Variants in MOK observed in about 807,000 individuals in gnomAD.
MOK encodes MOK protein kinase.
MOK carries 59 observed loss-of-function variants against 54.2 expected under a neutral mutation model. That is an observed-to-expected ratio of 1.09 (90% CI 0.88 to 1.35). The LOEUF (loss-of-function observed/expected upper bound fraction) is 1.35, where lower values mean the gene tolerates loss of function less well. Among genes scored for constraint, MOK ranks in the 40% most tolerant of loss-of-function variants. The probability of loss-of-function intolerance (pLI) is 0.00; values close to 1 mark genes in which losing one functional copy is unlikely to be tolerated. For missense variants in MOK, 517 were observed against 526.2 expected (o/e 0.98, Z 0.17); for synonymous variants, 210 against 202.7 (o/e 1.04, Z -0.31).
In MOK at chr14:102,281,608, G is replaced by GGT. The variant is rs1555430695; in HGVS notation, c.122+1869_122+1870insAC. Among the ~76,000 whole-genome samples, 564 of 78,480 alleles carry GGT rather than the reference G, an allele frequency of 7.2e-3. 4 individuals carry two copies. Among genetic ancestry groups the GGT allele is most frequent in the African/African-American group, 0.05 (519 of 10,362 alleles). The allele number at this position is 78,480 out of a possible 152,430, so 51.5% of individuals were successfully genotyped here. On this transcript the variant is annotated intron_variant, in intron 2 of 11. Transcript: ENST00000361847. Reference sequence around the variant, plus strand: ...TGTTTAAGGAAGTCTGTTTTTTTGTGTTTTTTTTTTAATTTTTGTAGAGAT... The same window carrying GGT: ...TGTTTAAGGAAGTCTGTTTTTTTGTGGTTTTTTTTTTTAATTTTTGTAGAGAT...
intron 1 of MOK, among the ~76,000 whole-genome samples, chr14:102,287,047 T>C (rs1231520883): frequency 6.6e-6 from 1 of 152,196 alleles, no homozygotes; most frequent in Non-Finnish European, 1.5e-5. Flanking sequence ...CAATGTTGTT[T>C]TTTGAAATAA....
intron 7 of MOK, among the ~76,000 whole-genome samples, chr14:102,237,639 A>G (rs1259524979): frequency 6.6e-6 from 1 of 152,192 alleles, no homozygotes; most frequent in Non-Finnish European, 1.5e-5. Flanking sequence ...TCACTGCACC[A>G]GCTCTGTCCT....
At chr14:102,256,810 C>G (rs142514703) in intron 4 of MOK, among the ~76,000 whole-genome samples, 11 of 152,164 alleles carry the variant, frequency 7.2e-5, no homozygotes, top group African/African-American at 2.7e-4. Context: ...GAAACTAAAC[C>G]TCCTTTACGG....
In MOK at chr14:102,295,861, C is replaced by T. The variant is rs10131302; in HGVS notation, c.7+9101G>A. 5.6e-3 allele frequency among the ~76,000 whole-genome samples: 859 copies of T among 152,306 alleles called. 9 individuals are homozygous for T. The highest frequency in any genetic ancestry group is 0.02 in the African/African-American group (816 of 41,560). The stretch of plus-strand genomic sequence containing the variant: ...TCAAAGATCTATGTTCTGGACTGGG[C>T]GTGATGGCTCACATCTGTAATCCTA... On this transcript the variant is annotated intron_variant, in intron 1 of 11. Coordinates refer to ENST00000361847, the MANE Select transcript of MOK (RefSeq NM_014226.3).
intron 1 of MOK, among the ~76,000 whole-genome samples, chr14:102,301,972 G>A (rs902574834): frequency 3.3e-5 from 5 of 151,470 alleles, no homozygotes; most frequent in Non-Finnish European, 5.9e-5. Flanking sequence ...GGCTGGTCTC[G>A]AACTCCTGAC....
chr14:102,250,776 C>T, intron 7 of MOK, 36 bp downstream of exon 7: 1 of 1,600,038 alleles, frequency 6.2e-7, no homozygotes, highest in Non-Finnish European at 8.5e-7. Flanking sequence ...CACCGCTCCG[C>T]CGCAGGAACC....
chr14:102,292,985 T>C lies in MOK; in HGVS notation c.8-9393A>G, dbSNP rs775518769. On this transcript the variant is annotated intron_variant, in intron 1 of 11. Coordinates refer to ENST00000361847, the MANE Select transcript of MOK (RefSeq NM_014226.3). ...CCCATCTCTACTAAAAATACAAAAA[T>C]TCGCCAGGAGGGTGGCGCACACCTG... Among the ~76,000 whole-genome samples, 49 of 152,078 alleles carry C rather than the reference T, an allele frequency of 3.2e-4. 1 individual carries two copies. The highest frequency in any genetic ancestry group is 4.0e-4 in the Non-Finnish European group (27 of 67,984).
chr14:102,236,955 T>C lies in MOK; in HGVS notation c.591-3166A>G, dbSNP rs2065274053. On this transcript the variant is annotated intron_variant, in intron 7 of 11. Coordinates refer to ENST00000361847, the MANE Select transcript of MOK (RefSeq NM_014226.3). This position sits in a 1 kb window ranked among gnomAD's most constrained non-coding sequence, Gnocchi z 4.5. Reference sequence around the variant, plus strand: ...CAGGCTGTCTTTCCTATTCATCCCATAGTCCCTAACCCCTCTACACTTCTC... The same window carrying C: ...CAGGCTGTCTTTCCTATTCATCCCACAGTCCCTAACCCCTCTACACTTCTC... Among the ~76,000 whole-genome samples, 1 of 152,126 alleles carries C rather than the reference T, an allele frequency of 6.6e-6. No homozygotes were observed. The highest frequency in any genetic ancestry group is 1.5e-5 in the Non-Finnish European group (1 of 68,018).
intron 7 of MOK, chr14:102,234,951 A>T (rs2065078777): frequency 6.6e-6 from 1 of 151,400 alleles, no homozygotes; most frequent in East Asian, 1.9e-4. Context: ...TCCAAACCCG[A>T]CTCACCTCCT....
At chr14:102,256,792 GT>G (rs1271637462) in intron 4 of MOK, among the ~76,000 whole-genome samples, 3 of 151,876 alleles carry the variant, frequency 2.0e-5, no homozygotes, top group Non-Finnish European at 4.4e-5. Flanking sequence ...TATAGTCAGA[GT>G]ATGAGGGAAA....
chr14:102,267,552 T>C (rs1350265050), intron 2 of MOK, among the ~76,000 whole-genome samples: 1 of 152,068 alleles, frequency 6.6e-6, no homozygotes. Flanking sequence ...GGCAACAGAG[T>C]GAGACTCCAT....
At chr14:102,256,737 A>G (rs1189697409) in intron 4 of MOK, among the ~76,000 whole-genome samples, 2 of 152,170 alleles carry the variant, frequency 1.3e-5, no homozygotes, top group African/African-American at 4.8e-5. Context: ...AAAAAAAAAA[A>G]AAAGAGCAGA....
chr14:102,224,007 T>C (rs949761803), downstream of MOK, among the ~76,000 whole-genome samples: 1 of 151,924 alleles, frequency 6.6e-6, no homozygotes, highest in African/African-American at 2.4e-5. Context: ...ACATGGGACA[T>C]GAACTAGCTA....
intron 1 of MOK, among the ~76,000 whole-genome samples, chr14:102,304,756 C>A (rs576015846): frequency 2.0e-5 from 3 of 152,326 alleles, no homozygotes; most frequent in South Asian, 4.1e-4. Context: ...TAGCCCCAAC[C>A]CCTCAAGCTT....
At chr14:102,246,466 AACACC>A (rs1012931985) in intron 7 of MOK, among the ~76,000 whole-genome samples, 13 of 152,092 alleles carry the variant, frequency 8.5e-5, no homozygotes, top group Admixed American at 7.2e-4. Flanking sequence ...ACAACCCCTG[AACACC>A]TATACAGAAC....
chr14:102,286,215 C>T (rs1047067641), intron 1 of MOK, among the ~76,000 whole-genome samples: 8 of 141,096 alleles, frequency 5.7e-5, no homozygotes, highest in Admixed American at 1.5e-4. Flanking sequence ...AGGAGAATGG[C>T]GTGAACCCAG....
At chr14:102,278,638 T>A (rs1266215130) in intron 2 of MOK, 3 of 454,178 alleles carry the variant, frequency 6.6e-6, no homozygotes, top group Non-Finnish European at 1.3e-5. Flanking sequence ...GACGTGTAGG[T>A]TGGGTAGCAA....
chr14:102,302,549 G>C (rs1199075179), intron 1 of MOK, among the ~76,000 whole-genome samples: 1 of 151,482 alleles, frequency 6.6e-6, no homozygotes, highest in Non-Finnish European at 1.5e-5. Flanking sequence ...CCGAGTAGCT[G>C]GGACTACAGG....
In MOK at chr14:102,235,733, G is replaced by T. The variant is rs937286389; in HGVS notation, c.591-1944C>A. The stretch of plus-strand genomic sequence containing the variant: ...CGTGTCGATCCCGCCTCCCGGGAAG[G>T]AACTATTGTTCTTTACATCCATTTT... On this transcript the variant is annotated intron_variant, in intron 7 of 11. Transcript: ENST00000361847. This position sits in a 1 kb window ranked among gnomAD's most constrained non-coding sequence, Gnocchi z 4.4. Among the ~76,000 whole-genome samples, 1 of 152,142 alleles carries T rather than the reference G, an allele frequency of 6.6e-6. No individual in the cohort carries two copies. The highest frequency in any genetic ancestry group is 1.5e-5 in the Non-Finnish European group (1 of 68,018).
Sources: allele counts gnomAD v4.1 joint callset (sites outside exome capture counted in the v4.1 genomes callset), GRCh38; gene constraint gnomAD v4.1.1; non-coding constraint Gnocchi (gnomAD v3.1); transcripts MANE v1.5; gene names NCBI Gene and HGNC (gene_info 2026-07-23, HGNC 2026-07-21).